Variants in FSIP2 observed in about 807,000 individuals in gnomAD.
FSIP2 encodes fibrous sheath-interacting protein 2.
A neutral mutation model predicts 510.5 loss-of-function variants in FSIP2; 367 were observed. That is an observed-to-expected ratio of 0.72 (90% CI 0.66 to 0.78). FSIP2 has a LOEUF of 0.78. FSIP2 is among the 30% of genes least tolerant of loss of function. The probability of loss-of-function intolerance (pLI) is 0.00; values close to 1 mark genes in which losing one functional copy is unlikely to be tolerated. For synonymous variants in FSIP2, 2,601 were observed against 2,732.2 expected (o/e 0.95, Z 1.50); for missense variants, 7,594 against 7,901.7 (o/e 0.96, Z 1.48).
rs1395629508 is a variant in FSIP2, at chr2:185,745,445, A to T, written c.494A>T (p.Gln165Leu). 6.5e-7 allele frequency: 1 copy of T among 1,531,596 alleles called. No individual in the cohort carries two copies. The highest frequency in any genetic ancestry group is 8.7e-7 in the Non-Finnish European group (1 of 1,143,666). The allele number at this position is 1,531,596 out of a possible 1,614,324, so 94.9% of individuals were successfully genotyped here. Residue 165 changes from glutamine (Q) to leucine (L), a missense_variant, in exon 5 of 23, where the codon CAA (glutamine) becomes CTA (leucine). Coordinates refer to ENST00000424728, the MANE Select transcript of FSIP2 (RefSeq NM_173651.4). The stretch of plus-strand genomic sequence containing the variant: ...CTTAAATAGAGAATACTTGCAAAAC[A>T]ACTACATAACATACCGGAAAACAAT... ...YIKEQRILAKQLHNIPENNQI... is the reference protein window; with the variant it reads ...YIKEQRILAKLLHNIPENNQI...
At position 185,795,391 on chromosome 2, in the gene FSIP2, A is replaced by G; in HGVS notation, c.8255A>G (p.Lys2752Arg). The change falls in exon 16 of 23, where the codon AAG becomes AGG. Residue 2752 changes from lysine to arginine, a missense_variant. Lys to Arg is a conservative substitution (Grantham distance 26). Coordinates refer to ENST00000424728, the MANE Select transcript of FSIP2 (RefSeq NM_173651.4). ...IIINILETIV[K>R]EFGKVKQTKA... is the part of the protein sequence containing the mutation. Reference sequence around the variant, plus strand: ...ATTAACATCCTAGAAACAATTGTGAAGGAATTTGGAAAGGTAAAGCAAACC... The same window carrying G: ...ATTAACATCCTAGAAACAATTGTGAGGGAATTTGGAAAGGTAAAGCAAACC... 1.3e-6 allele frequency: 2 copies of G among 1,535,010 alleles called. No individual in the cohort carries two copies. The highest frequency in any genetic ancestry group is 1.7e-6 in the Non-Finnish European group (2 of 1,146,198).
chr2:185,789,546 C>A lies in FSIP2; in HGVS notation c.2410C>A (p.Pro804Thr), dbSNP rs1236612243. 2.6e-6 allele frequency: 4 copies of A among 1,534,570 alleles called. No individual in the cohort carries two copies. Among genetic ancestry groups the A allele is most frequent in the Non-Finnish European group, 2.6e-6 (3 of 1,145,896 alleles). ...DELLTSSNGK[P>T]LKNSMPHTLD... is the part of the protein sequence containing the mutation. ...ACTTCTCACATCATCTAATGGAAAA[C>A]CTTTGAAAAATTCAATGCCTCATAC... Residue 804 changes from proline (P) to threonine (T), a missense_variant, in exon 16 of 23, where the codon CCT (proline) becomes ACT (threonine). Transcript: ENST00000424728.
At chr2:185,748,581 G>A (rs1482732020) in intron 7 of FSIP2, among the ~76,000 whole-genome samples, 4 of 152,020 alleles carry the variant, frequency 2.6e-5, no homozygotes, top group Non-Finnish European at 4.4e-5. Context: ...AAAAAAAAGA[G>A]AAAGTATCTT....
chr2:185,771,593 G>T (rs1469129700), intron 13 of FSIP2, among the ~76,000 whole-genome samples: 1 of 152,158 alleles, frequency 6.6e-6, no homozygotes, highest in Non-Finnish European at 1.5e-5. Context: ...TCAGTTTCCT[G>T]GGTCTGGCCC....
chr2:185,777,982 T>C (rs1383081726), intron 13 of FSIP2, among the ~76,000 whole-genome samples: 1 of 152,132 alleles, frequency 6.6e-6, no homozygotes, highest in African/African-American at 2.4e-5. Flanking sequence ...TAGTTTTTGT[T>C]CTTTTAGTGA....
At chr2:185,774,613 G>T (rs1001554335) in intron 13 of FSIP2, among the ~76,000 whole-genome samples, 1 of 150,644 alleles carries the variant, frequency 6.6e-6, no homozygotes, top group Non-Finnish European at 1.5e-5. Flanking sequence ...TAAGTTTTAG[G>T]GTACATGTGC....
chr2:185,763,116 A>C, intron 11 of FSIP2, 67 bp from the exon 12 acceptor site: 2 of 737,470 alleles, frequency 2.7e-6, no homozygotes, highest in South Asian at 3.0e-5. Flanking sequence ...AATGCTGTAA[A>C]TTAATATTAA....
rs1472561620 is a variant in FSIP2, at chr2:185,812,101, G to A, written c.19828-1444G>A. On this transcript the variant is annotated intron_variant, in intron 17 of 22. Transcript: ENST00000424728. The stretch of plus-strand genomic sequence containing the variant: ...GTCTGCATTCTGCAGACCTCAGAAT[G>A]GTAGATCCACTTGCATCCTACACCC... 2.6e-5 allele frequency among the ~76,000 whole-genome samples: 4 copies of A among 152,068 alleles called. No homozygotes were observed. The South Asian group carries it at 8.3e-4, about 31-fold the overall frequency.
intron 8 of FSIP2, among the ~76,000 whole-genome samples, chr2:185,754,585 C>A (rs1479051672): frequency 6.6e-6 from 1 of 151,506 alleles, no homozygotes; most frequent in African/African-American, 2.4e-5. Context: ...TCGCTTGCTA[C>A]ATTTAAAACT....
At position 185,790,743 on chromosome 2, in the gene FSIP2, C is replaced by A. The variant is rs1361927298; in HGVS notation, c.3607C>A (p.His1203Asn). 2.6e-6 allele frequency: 4 copies of A among 1,532,400 alleles called. No homozygotes were observed. Among genetic ancestry groups the A allele is most frequent in the Middle Eastern group, 3.3e-4 (2 of 5,990 alleles). 94.9% of individuals were successfully genotyped at this position (1,532,400 alleles called of 1,614,324 possible). A position where few individuals can be genotyped will look rare whatever the true frequency, so the allele number is the denominator to read the frequency against. The change falls in exon 16 of 23, where the codon CAT (histidine) becomes AAT (asparagine). Residue 1203 changes from histidine (H) to asparagine (N), a missense_variant. Coordinates refer to ENST00000424728, the MANE Select transcript of FSIP2 (RefSeq NM_173651.4). Reference sequence around the variant, plus strand: ...ATCATCAGTTCATCAGATTTCCTTACATAATTCTGACACTGAACACATAGT... The same window carrying A: ...ATCATCAGTTCATCAGATTTCCTTAAATAATTCTGACACTGAACACATAGT... ...ISSSVHQISL[H>N]NSDTEHIVKE... is the part of the protein sequence containing the mutation.
chr2:185,802,000 C>G lies in FSIP2; in HGVS notation c.12694C>G (p.Gln4232Glu). 1 of 1,522,942 alleles carries G rather than the reference C, an allele frequency of 6.6e-7. No individual in the cohort carries two copies. The highest frequency in any genetic ancestry group is 8.8e-7 in the Non-Finnish European group (1 of 1,141,388). 94.3% of individuals were successfully genotyped at this position (1,522,942 alleles called of 1,614,324 possible). Residue 4232 changes from glutamine to glutamate, a missense_variant, in exon 17 of 23, where the codon CAA becomes GAA. Gln to Glu is a conservative substitution (Grantham distance 29, BLOSUM62 2). Transcript: ENST00000424728. ...AATGTCTGACTCTCTTGTTTCAATA[C>G]AAAAAAGTATAGTAAGCCGAAGCCC... is the stretch of plus-strand genomic sequence containing the variant. Reference protein sequence around the residue: ...LQMSDSLVSIQKSIVSRSPIM... With the variant: ...LQMSDSLVSIEKSIVSRSPIM...
In FSIP2 at chr2:185,794,875, A is replaced by G. The variant is rs1455280450; in HGVS notation, c.7739A>G (p.Lys2580Arg). 4 of 1,533,708 alleles carry G rather than the reference A, an allele frequency of 2.6e-6. No individual in the cohort carries two copies. The highest frequency in any genetic ancestry group is 3.5e-6 in the Non-Finnish European group (4 of 1,145,378). Reference sequence around the variant, plus strand: ...GACCACAATGATTCCTTACTAATGAAACCATTAAGGTTTAGAGAAACTAAA... The same window carrying G: ...GACCACAATGATTCCTTACTAATGAGACCATTAAGGTTTAGAGAAACTAAA... Reference protein sequence around the residue: ...ISDHNDSLLMKPLRFRETKQA... With the variant: ...ISDHNDSLLMRPLRFRETKQA... The change falls in exon 16 of 23, where the codon AAA (lysine) becomes AGA (arginine). Residue 2580 changes from lysine to arginine, a missense_variant. By Grantham distance (26) the Lys-to-Arg change is conservative. Transcript: ENST00000424728.
Position 185,792,524 on chromosome 2 carries a change from A to G in FSIP2, c.5388A>G (p.Gln1796=). ...NEIFQSTLIN[Q]LNVLSLSHSN... is the part of the protein sequence containing the mutation. ...TTTTTCAAAGTACTTTAATCAATCA[A>G]TTAAATGTCCTTTCTCTCTCCCACT... is the stretch of plus-strand genomic sequence containing the variant. The change falls in exon 16 of 23, where the codon CAA becomes CAG. Residue 1796 remains glutamine (Q), a synonymous_variant. Coordinates refer to ENST00000424728, the MANE Select transcript of FSIP2 (RefSeq NM_173651.4). 6.5e-7 allele frequency: 1 copy of G among 1,530,122 alleles called. No individual in the cohort carries two copies. The highest frequency in any genetic ancestry group is 2.5e-5 in the East Asian group (1 of 40,814). 94.8% of individuals were successfully genotyped at this position (1,530,122 alleles called of 1,614,324 possible).
chr2:185,789,872 A>G lies in FSIP2; in HGVS notation c.2736A>G (p.Ile912Met), dbSNP rs1184487115. Residue 912 changes from isoleucine to methionine, a missense_variant, in exon 16 of 23, where the codon ATA becomes ATG. Coordinates refer to ENST00000424728, the MANE Select transcript of FSIP2 (RefSeq NM_173651.4). ...ATATAGAGGAAGCAATCAATGCTAT[A>G]CTAGGTTATATACAAACTGAACTAA... ...VAYIEEAINA[I>M]LGYIQTELNN... The G allele has an allele frequency of 3.3e-6, 5 of 1,531,686 alleles. No individual in the cohort carries two copies. The South Asian group carries it at 4.8e-5, about 15-fold the overall frequency. 94.9% of individuals were successfully genotyped at this position (1,531,686 alleles called of 1,614,324 possible).
intron 16 of FSIP2, among the ~76,000 whole-genome samples, chr2:185,798,365 C>A (rs1693349353): frequency 1.3e-5 from 2 of 151,818 alleles, no homozygotes; most frequent in Non-Finnish European, 2.9e-5. Flanking sequence ...CCAACTGTAT[C>A]ATTACAGGGA....
rs1693620678 is a variant in FSIP2 at position 185,807,728 on chromosome 2, A to G, written c.18422A>G (p.His6141Arg). The G allele has an allele frequency of 6.2e-7, 1 of 1,612,750 alleles. No homozygotes were observed. The highest frequency in any genetic ancestry group is 8.5e-7 in the Non-Finnish European group (1 of 1,179,232). ...TATTTTTGTGGAGAGCTAACTCCAC[A>G]TCAGTGTGTGGAAGTTGAAAACATC... ...QSYFCGELTP[H>R]QCVEVENIVE... Residue 6141 changes from histidine to arginine, a missense_variant, in exon 17 of 23, where the codon CAT (histidine) becomes CGT (arginine). Coordinates refer to ENST00000424728, the MANE Select transcript of FSIP2 (RefSeq NM_173651.4).
At position 185,804,491 on chromosome 2, in the gene FSIP2, T is replaced by G. The variant is rs567734223; in HGVS notation, c.15185T>G (p.Leu5062Trp). 2 of 1,515,644 alleles carry G rather than the reference T, an allele frequency of 1.3e-6. No homozygotes were observed. Among genetic ancestry groups the G allele is most frequent in the South Asian group, 1.2e-5 (1 of 81,070 alleles). The allele number at this position is 1,515,644 out of a possible 1,614,324, so 93.9% of individuals were successfully genotyped here. Residue 5062 changes from leucine (L) to tryptophan (W), a missense_variant, in exon 17 of 23, where the codon TTG becomes TGG. Leu to Trp is a moderately conservative substitution (Grantham distance 61). Coordinates refer to ENST00000424728, the MANE Select transcript of FSIP2 (RefSeq NM_173651.4). ...CFGRKIYYLL[L>W]EEIYDYQVQS... ...GGTAGGAAAATATATTATTTGCTAT[T>G]GGAAGAAATATATGATTATCAAGTG...
chr2:185,784,660 G>C (rs888430048), intron 14 of FSIP2, among the ~76,000 whole-genome samples: 19 of 152,032 alleles, frequency 1.2e-4, no homozygotes, highest in Admixed American at 1.2e-3. Context: ...TATGATTTCA[G>C]GGTATTATTT....
At position 185,808,052 on chromosome 2, in the gene FSIP2, T is replaced by C. The variant is rs1347447493; in HGVS notation, c.18746T>C (p.Ile6249Thr). The C allele has an allele frequency of 3.7e-6, 6 of 1,611,114 alleles. No individual in the cohort carries two copies. Among genetic ancestry groups the C allele is most frequent in the East Asian group, 4.5e-5 (2 of 44,706 alleles). Residue 6249 changes from isoleucine to threonine, a missense_variant, in exon 17 of 23, where the codon ATT becomes ACT. Coordinates refer to ENST00000424728, the MANE Select transcript of FSIP2 (RefSeq NM_173651.4). ...PTVPVADNAT[I>T]ENIVNSIYTS... ...GTGCCTGTAGCTGATAATGCAACTATTGAAAACATAGTTAATTCTATTTAT... is the reference window on the plus strand; with the variant it reads ...GTGCCTGTAGCTGATAATGCAACTACTGAAAACATAGTTAATTCTATTTAT...
Sources: gnomAD v4.1 joint callset for allele counts (sites outside exome capture counted in the v4.1 genomes callset) on GRCh38, gnomAD v4.1.1 for gene constraint, MANE v1.5 for transcripts, NCBI Gene and HGNC (gene_info 2026-07-23, HGNC 2026-07-21) for gene names.